The following ATXN1 variants were observed in gnomAD, a reference collection of about 807,000 sequenced individuals.
ATXN1 encodes the protein ataxin-1.
In ATXN1, 8 loss-of-function variants were observed where a neutral mutation model predicts 56.4. The observed-to-expected ratio is 0.14, with a 90% CI of 0.08 to 0.26. The LOEUF (loss-of-function observed/expected upper bound fraction) is 0.26, where lower values mean the gene tolerates loss of function less well. Among genes scored for constraint, ATXN1 ranks in the 10% least tolerant of loss-of-function variants. The pLI, the probability that ATXN1 is intolerant of heterozygous loss-of-function variation, is 1.00. For synonymous variants in ATXN1, 514 were observed against 494.6 expected, an observed-to-expected ratio of 1.04 and a Z score of -0.52; for missense variants, 987 against 1,106.5, an observed-to-expected ratio of 0.89 and a Z score of 1.53.
chr6:16,318,293 C>T (rs1172880581), intron 7 of ATXN1, among the ~76,000 whole-genome samples: 2 of 152,166 alleles, frequency 1.3e-5, no homozygotes, highest in Admixed American at 1.3e-4. Flanking sequence ...CAAATTTCGC[C>T]TGTTGCTGGG....
At chr6:16,431,125 T>C (rs1293685031) in intron 6 of ATXN1, among the ~76,000 whole-genome samples, 3 of 151,906 alleles carry the variant, frequency 2.0e-5, no homozygotes, top group Non-Finnish European at 4.4e-5. Flanking sequence ...TGGGGTTTTT[T>C]TGGGGGAAAT....
chr6:16,366,794 A>G (rs189564786), intron 6 of ATXN1, among the ~76,000 whole-genome samples: 2,387 of 151,814 alleles, frequency 0.016, 57 homozygotes, highest in African/African-American at 0.048. Context: ...AAAAAAAAAA[A>G]AGAAAAAGAA....
chr6:16,391,845 C>T lies in ATXN1; in HGVS notation c.-160-63375G>A, dbSNP rs1002046455. Among the ~76,000 whole-genome samples, 24 of 152,162 alleles carry T rather than the reference C, an allele frequency of 1.6e-4. 1 individual carries two copies. The highest frequency in any genetic ancestry group is 2.9e-5 in the Non-Finnish European group (2 of 68,028). ...CCCTTTCAGTCTTTTTATTTCTCTGCCCTCAAAGCCCAGCAGCCTGGAGGG... is the reference window on the plus strand; with the variant it reads ...CCCTTTCAGTCTTTTTATTTCTCTGTCCTCAAAGCCCAGCAGCCTGGAGGG... On this transcript the variant is annotated intron_variant, in intron 6 of 7. Transcript: ENST00000436367.
At chr6:16,349,276 T>G (rs1292451926) in intron 6 of ATXN1, among the ~76,000 whole-genome samples, 6 of 152,082 alleles carry the variant, frequency 3.9e-5, no homozygotes, top group South Asian at 2.1e-4. Context: ...AGGCTGAGGC[T>G]GGTGGATCAC....
At chr6:16,456,453 T>C (rs1759875639) in intron 6 of ATXN1, among the ~76,000 whole-genome samples, 1 of 152,160 alleles carries the variant, frequency 6.6e-6, no homozygotes, top group African/African-American at 2.4e-5. Context: ...CCCCCGACTG[T>C]TTGGAGTCAG....
At chr6:16,436,006 T>C (rs957959676) in intron 6 of ATXN1, among the ~76,000 whole-genome samples, 2 of 152,126 alleles carry the variant, frequency 1.3e-5, no homozygotes, top group African/African-American at 4.8e-5. Flanking sequence ...CCAGCTATTC[T>C]CCTGCCTTAG....
chr6:16,508,990 C>G (rs1761030828), intron 5 of ATXN1, among the ~76,000 whole-genome samples: 1 of 152,044 alleles, frequency 6.6e-6, no homozygotes, highest in South Asian at 2.1e-4. Flanking sequence ...GGACATTATG[C>G]TAAACAAAAA....
chr6:16,642,853 G>A (rs1384725605), intron 3 of ATXN1, among the ~76,000 whole-genome samples: 1 of 152,202 alleles, frequency 6.6e-6, no homozygotes, highest in Non-Finnish European at 1.5e-5. Context: ...AATGTTATTG[G>A]ATAATTAATA....
In ATXN1 at chr6:16,704,133, G is replaced by C. The variant is rs186162152; in HGVS notation, c.-614-46232C>G. 1.4e-4 allele frequency among the ~76,000 whole-genome samples: 22 copies of C among 152,248 alleles called. 1 individual carries two copies. Among genetic ancestry groups the C allele is most frequent in the Admixed American group, 1.2e-3 (19 of 15,290 alleles). ...AAGAGAGCAGGCAAAACACGTCATGGAGCCCACACTGTACGAATGTTTTGG... is the reference window on the plus strand; with the variant it reads ...AAGAGAGCAGGCAAAACACGTCATGCAGCCCACACTGTACGAATGTTTTGG... On this transcript the variant is annotated intron_variant, in intron 2 of 7. Transcript: ENST00000436367.
At chr6:16,679,637 T>C (rs1758772088) in intron 2 of ATXN1, among the ~76,000 whole-genome samples, 1 of 152,240 alleles carries the variant, frequency 6.6e-6, no homozygotes, top group East Asian at 1.9e-4. Context: ...GCACTTTTCA[T>C]GTACACTGAA....
chr6:16,311,245 C>G (rs921827167), intron 7 of ATXN1, among the ~76,000 whole-genome samples: 3 of 152,178 alleles, frequency 2.0e-5, no homozygotes, highest in Admixed American at 2.0e-4. Context: ...CGAATAGTCA[C>G]AGAGAGATTA....
chr6:16,497,852 T>C (rs1399192008), intron 5 of ATXN1, among the ~76,000 whole-genome samples: 3 of 149,588 alleles, frequency 2.0e-5, no homozygotes, highest in Non-Finnish European at 4.5e-5. Flanking sequence ...TGTAGATGTC[T>C]CTTTGCAGAA....
intron 7 of ATXN1, among the ~76,000 whole-genome samples, chr6:16,313,762 A>G (rs1379300268): frequency 6.6e-6 from 1 of 151,762 alleles, no homozygotes; most frequent in Non-Finnish European, 1.5e-5. Context: ...TTCATTCACC[A>G]TGTTGGCCAA....
intron 6 of ATXN1, among the ~76,000 whole-genome samples, chr6:16,470,747 C>T (rs1760200734): frequency 6.6e-6 from 1 of 152,096 alleles, no homozygotes; most frequent in African/African-American, 2.4e-5. Context: ...AATTTCAGCA[C>T]TTTGGGAGGT....
intron 5 of ATXN1, among the ~76,000 whole-genome samples, chr6:16,507,342 T>C (rs1261250691): frequency 6.6e-6 from 1 of 152,226 alleles, no homozygotes; most frequent in Non-Finnish European, 1.5e-5. Context: ...AGTGGCATCA[T>C]CCAGCCACAG....
Position 16,482,617 on chromosome 6 carries a change from T to C in ATXN1, c.-161+3355A>G, listed in dbSNP as rs117582296. ...GAGCACAGAGGTGGTTTTAGAAAACTCAAGTTCAAAAATCGTTCCTGTTTA... is the reference window on the plus strand; with the variant it reads ...GAGCACAGAGGTGGTTTTAGAAAACCCAAGTTCAAAAATCGTTCCTGTTTA... On this transcript the variant is annotated intron_variant, in intron 6 of 7. Coordinates refer to ENST00000436367, the MANE Select transcript of ATXN1 (RefSeq NM_001128164.2). 5.9e-5 allele frequency among the ~76,000 whole-genome samples: 9 copies of C among 152,260 alleles called. No individual in the cohort carries two copies. In the East Asian group the frequency reaches 1.7e-3, roughly 29 times the overall value.
At chr6:16,376,524 C>T (rs910389416) in intron 6 of ATXN1, among the ~76,000 whole-genome samples, 2 of 152,148 alleles carry the variant, frequency 1.3e-5, no homozygotes, top group African/African-American at 4.8e-5. Context: ...ATGAAGGAAA[C>T]AGCTGACATG....
chr6:16,300,384 A>G lies in ATXN1; in HGVS notation c.*5945T>C, dbSNP rs1178012432. ...TCCCTCCCGCCATTACACAGGAGAA[A>G]GTTAGCTACCAGAACAGTTGCCTTC... On this transcript the variant is annotated 3_prime_UTR_variant, in exon 8 of 8. Transcript: ENST00000436367. 1 of 152,626 alleles carries G rather than the reference A, an allele frequency of 6.6e-6. No homozygotes were observed. The highest frequency in any genetic ancestry group is 1.5e-5 in the Non-Finnish European group (1 of 68,036). 9.5% of individuals were successfully genotyped at this position (152,626 alleles called of 1,614,324 possible).
chr6:16,403,067 C>T (rs1057076839), intron 6 of ATXN1, among the ~76,000 whole-genome samples: 11 of 152,164 alleles, frequency 7.2e-5, no homozygotes, highest in Non-Finnish European at 5.9e-5. Context: ...TATACATACA[C>T]ATGTAGATGT....
Sources: allele counts gnomAD v4.1 joint callset (sites outside exome capture counted in the v4.1 genomes callset), GRCh38; gene constraint gnomAD v4.1.1; transcripts MANE v1.5; gene names NCBI Gene and HGNC (gene_info 2026-07-23, HGNC 2026-07-21).